The following COLGALT2 variants were observed in gnomAD, a reference collection of about 807,000 sequenced individuals.
COLGALT2 encodes the protein procollagen galactosyltransferase 2.
COLGALT2 carries 49 observed loss-of-function variants against 73.4 expected under a neutral mutation model. The observed-to-expected ratio is 0.67, with a 90% confidence interval of 0.53 to 0.85. The LOEUF (loss-of-function observed/expected upper bound fraction) is 0.85, where lower values mean the gene tolerates loss of function less well. Ranked by LOEUF, COLGALT2 falls within the 40% of genes least tolerant of loss-of-function variation. COLGALT2 has a pLI of 0.00. For missense variants in COLGALT2, 722 were observed against 790.2 expected (o/e 0.91, Z 1.03); for synonymous variants, 295 against 307.6 (o/e 0.96, Z 0.43).
rs1334718731 is a variant in COLGALT2 at position 183,941,660 on chromosome 1, G to A, written c.1398-873C>T. ...TTCAACATTCAAGGGATTCCCCCTTGTGAAAGCATCCCAGGATTTGTAGAA... is the reference window on the plus strand; with the variant it reads ...TTCAACATTCAAGGGATTCCCCCTTATGAAAGCATCCCAGGATTTGTAGAA... On this transcript the variant is annotated intron_variant, in intron 10 of 11. Coordinates refer to ENST00000361927, the MANE Select transcript of COLGALT2 (RefSeq NM_015101.4). 2.6e-5 allele frequency among the ~76,000 whole-genome samples: 4 copies of A among 152,302 alleles called. No homozygotes were observed. The East Asian group carries it at 5.8e-4, about 22-fold the overall frequency.
At chr1:183,978,156 A>T (rs1671256521) in intron 2 of COLGALT2, among the ~76,000 whole-genome samples, 1 of 152,252 alleles carries the variant, frequency 6.6e-6, no homozygotes, top group Admixed American at 6.5e-5. Context: ...AATATTTAAA[A>T]ATATAAACTG....
intron 1 of COLGALT2, among the ~76,000 whole-genome samples, chr1:184,015,884 G>A (rs1290119846): frequency 1.3e-5 from 2 of 152,184 alleles, no homozygotes; most frequent in Non-Finnish European, 2.9e-5. Flanking sequence ...CATAGATGTG[G>A]CAAACTATTA....
intron 8 of COLGALT2, among the ~76,000 whole-genome samples, chr1:183,946,986 G>A (rs979725783): frequency 2.6e-5 from 4 of 152,058 alleles, no homozygotes; most frequent in South Asian, 2.1e-4. Flanking sequence ...AGCCAAGATC[G>A]TGCCATTGCA....
At position 184,037,463 on chromosome 1, in the gene COLGALT2, C is replaced by A. The variant is rs574046467; in HGVS notation, c.-106G>T. On this transcript the variant is annotated 5_prime_UTR_variant, in exon 1 of 12. Transcript: ENST00000361927. ...GGAGCAAGGGGCTGCGAGGGGCGGC[C>A]GGGGGATGCGGCTTGCCGCGGCCGG... 2.3e-3 allele frequency: 2,762 copies of A among 1,206,246 alleles called. 7 individuals are homozygous for A. Among genetic ancestry groups the A allele is most frequent in the Middle Eastern group, 3.0e-3 (9 of 3,042 alleles). 74.7% of individuals were successfully genotyped at this position (1,206,246 alleles called of 1,614,324 possible). A position where few individuals can be genotyped will look rare whatever the true frequency, so the allele number is the denominator to read the frequency against.
intron 1 of COLGALT2, among the ~76,000 whole-genome samples, chr1:184,007,860 A>G (rs1001843757): frequency 3.9e-5 from 6 of 152,176 alleles, no homozygotes; most frequent in Non-Finnish European, 7.3e-5. Flanking sequence ...CTCAATAAAA[A>G]TCTCTCAGAA....
At chr1:183,989,480 T>G (rs1361237470) in intron 1 of COLGALT2, among the ~76,000 whole-genome samples, 2 of 152,198 alleles carry the variant, frequency 1.3e-5, no homozygotes, top group South Asian at 4.1e-4. Flanking sequence ...AGGATCTCCC[T>G]GCTCTATTCT....
In COLGALT2 at chr1:183,962,296, A is replaced by G. The variant is rs536065432; in HGVS notation, c.952+1605T>C. 2.0e-5 allele frequency among the ~76,000 whole-genome samples: 3 copies of G among 150,368 alleles called. No individual in the cohort carries two copies. The East Asian group carries it at 5.9e-4, about 30-fold the overall frequency. On this transcript the variant is annotated intron_variant, in intron 6 of 11. Transcript: ENST00000361927. ...TGCCTCAGCCTTCCGAGTAACTGGG[A>G]CTACAGATGTGCACTACCATGCCCA...
At chr1:183,953,240 C>T (rs1218222941) in intron 7 of COLGALT2, among the ~76,000 whole-genome samples, 5 of 152,106 alleles carry the variant, frequency 3.3e-5, no homozygotes, top group Admixed American at 6.5e-5. Context: ...TCACAGAGTC[C>T]GAGGAGGATT....
In COLGALT2 at chr1:183,936,424, CACAGTAGA is replaced by C. The variant is rs200540977; in HGVS notation, c.*2329_*2336del. 4,884 of 986,608 alleles carry C rather than the reference CACAGTAGA, an allele frequency of 5.0e-3. 58 individuals are homozygous for C. The highest frequency in any genetic ancestry group is 0.033 in the African/African-American group (1,910 of 57,364). 61.1% of individuals were successfully genotyped at this position (986,608 alleles called of 1,614,324 possible). A position where few individuals can be genotyped will look rare whatever the true frequency, so the allele number is the denominator to read the frequency against. Reference sequence around the variant, plus strand: ...GGGCTAAAGGAGACAGAACTTTCTTCACAGTAGAACAGTCCTAGTCTAAAATGCTAGAA... The same window carrying C: ...GGGCTAAAGGAGACAGAACTTTCTTCACAGTCCTAGTCTAAAATGCTAGAA... On this transcript the variant is annotated 3_prime_UTR_variant, in exon 12 of 12. Coordinates refer to ENST00000361927, the MANE Select transcript of COLGALT2 (RefSeq NM_015101.4).
chr1:184,037,200 G>C lies in COLGALT2; in HGVS notation c.158C>G (p.Pro53Arg). The change falls in exon 1 of 12, where the codon CCC becomes CGC. Residue 53 changes from proline to arginine, a missense_variant. Pro to Arg is a moderately radical substitution (Grantham distance 103). Transcript: ENST00000361927. ...GGCGAGGACCGCCACGAGCACCGTG[G>C]GGCTCTGCAGGGGCGACTCCGGGAA... is the stretch of plus-strand genomic sequence containing the variant. The part of the protein sequence containing the change: ...VVFPESPLQS[P>R]TVLVAVLARN... 1 of 1,604,362 alleles carries C rather than the reference G, an allele frequency of 6.2e-7. No individual in the cohort carries two copies. Among genetic ancestry groups the C allele is most frequent in the East Asian group, 2.3e-5 (1 of 44,388 alleles).
intron 6 of COLGALT2, 137 bp downstream of exon 6, chr1:183,963,764 A>G: frequency 1.1e-6 from 1 of 942,836 alleles, no homozygotes; most frequent in Non-Finnish European, 1.5e-6. Context: ...GAAAGAATGA[A>G]CAAATAAATA....
At chr1:183,983,339 T>G (rs1355583615) in intron 1 of COLGALT2, among the ~76,000 whole-genome samples, 1 of 152,100 alleles carries the variant, frequency 6.6e-6, no homozygotes, top group Non-Finnish European at 1.5e-5. Flanking sequence ...CGCTTAAGAC[T>G]AAGTTTCCCT....
At chr1:184,014,086 GA>G (rs1648921338) in intron 1 of COLGALT2, among the ~76,000 whole-genome samples, 1 of 152,184 alleles carries the variant, frequency 6.6e-6, no homozygotes, top group East Asian at 1.9e-4. Context: ...TCTTGAGCTG[GA>G]GAGACACCAT....
chr1:183,958,174 TGTTA>T (rs1389392837), intron 6 of COLGALT2, among the ~76,000 whole-genome samples: 1 of 152,144 alleles, frequency 6.6e-6, no homozygotes, highest in African/African-American at 2.4e-5. Flanking sequence ...TTTTAATAAG[TGTTA>T]GTCATTGTCG....
intron 1 of COLGALT2, among the ~76,000 whole-genome samples, chr1:184,001,206 T>C (rs986642212): frequency 5.9e-5 from 9 of 152,204 alleles, no homozygotes; most frequent in Admixed American, 3.3e-4. Context: ...TATGTTGTTC[T>C]TTTTTGGTAA....
intron 7 of COLGALT2, among the ~76,000 whole-genome samples, chr1:183,952,270 T>C (rs549649048): frequency 5.3e-5 from 8 of 152,300 alleles, no homozygotes; most frequent in Non-Finnish European, 1.0e-4. Context: ...GGATGACACA[T>C]AGCATGGTAA....
chr1:183,951,670 T>G (rs1382191147), intron 7 of COLGALT2, among the ~76,000 whole-genome samples: 2 of 152,048 alleles, frequency 1.3e-5, no homozygotes, highest in Non-Finnish European at 2.9e-5. Context: ...TAATGAAAAC[T>G]ATAAAACACT....
At chr1:183,943,321 C>T (rs1388233249) in intron 10 of COLGALT2, among the ~76,000 whole-genome samples, 3 of 152,196 alleles carry the variant, frequency 2.0e-5, no homozygotes, top group Admixed American at 6.5e-5. Context: ...TCCAAAGAAG[C>T]AGGCTCAGAG....
intron 1 of COLGALT2, among the ~76,000 whole-genome samples, chr1:183,984,944 A>C (rs1223183645): frequency 6.6e-6 from 1 of 152,210 alleles, no homozygotes; most frequent in Non-Finnish European, 1.5e-5. Flanking sequence ...AGGGAGCACA[A>C]AGAGCAGACC....
Sources: allele counts gnomAD v4.1 joint callset (sites outside exome capture counted in the v4.1 genomes callset), GRCh38; gene constraint gnomAD v4.1.1; transcripts MANE v1.5; gene names NCBI Gene and HGNC (gene_info 2026-07-23, HGNC 2026-07-21).